Variants in RAPGEF2 observed in about 807,000 individuals in gnomAD.
The protein encoded by RAPGEF2 is Rap guanine nucleotide exchange factor 2, also known as PDZ domain containing guanine nucleotide exchange factor (GEF) 1.
A neutral mutation model predicts 186.7 loss-of-function variants in RAPGEF2; 54 were observed. The observed-to-expected ratio is 0.29, with a 90% CI of 0.23 to 0.36. The LOEUF (loss-of-function observed/expected upper bound fraction) is 0.36, where lower values mean the gene tolerates loss of function less well. RAPGEF2 is among the 10% of genes least tolerant of loss of function. The probability of loss-of-function intolerance (pLI) is 1.00; values close to 1 mark genes in which losing one functional copy is unlikely to be tolerated. For missense variants in RAPGEF2, 1,532 were observed against 2,045.0 expected, an observed-to-expected ratio of 0.75 and a Z score of 4.84; for synonymous variants, 712 against 705.9, an observed-to-expected ratio of 1.01 and a Z score of -0.14.
intron 1 of RAPGEF2, among the ~76,000 whole-genome samples, chr4:159,153,693 T>C (rs58142171): frequency 0.065 from 9,952 of 152,196 alleles, 1,125 homozygotes; most frequent in African/African-American, 0.22. Context: ...TCCTTCTTGC[T>C]TCCTCCAGTT....
intron 3 of RAPGEF2, among the ~76,000 whole-genome samples, chr4:159,201,425 T>C (rs559722347): frequency 6.6e-6 from 1 of 152,264 alleles, no homozygotes; most frequent in African/African-American, 2.4e-5. Context: ...TTGAAAGAGG[T>C]TTGGACGCCT....
intron 1 of RAPGEF2, 40 bp from the exon 2 acceptor site, chr4:159,186,602 C>G (rs1269839860): frequency 9.0e-7 from 1 of 1,112,130 alleles, no homozygotes; most frequent in Admixed American, 3.0e-5. Context: ...ACCCCTTTTC[C>G]TGACAGGTCT....
At chr4:159,256,564 G>C (rs1483880993) in intron 7 of RAPGEF2, among the ~76,000 whole-genome samples, 1 of 152,200 alleles carries the variant, frequency 6.6e-6, no homozygotes, top group Admixed American at 6.5e-5. Flanking sequence ...TATATACCCA[G>C]TAATGGGATT....
intron 1 of RAPGEF2, among the ~76,000 whole-genome samples, chr4:159,153,886 G>A (rs1279600808): frequency 1.3e-5 from 2 of 152,154 alleles, no homozygotes; most frequent in Admixed American, 6.5e-5. Context: ...ACATATACAA[G>A]CCTCATTGCT....
At chr4:159,127,165 T>C (rs1307628782) in intron 1 of RAPGEF2, among the ~76,000 whole-genome samples, 1 of 152,150 alleles carries the variant, frequency 6.6e-6, no homozygotes, top group African/African-American at 2.4e-5. Context: ...TAGCTGGGAT[T>C]ACAGGCACAC....
chr4:159,131,527 T>G (rs1302279581), intron 1 of RAPGEF2, among the ~76,000 whole-genome samples: 1 of 148,626 alleles, frequency 6.7e-6, no homozygotes, highest in Non-Finnish European at 1.5e-5. Flanking sequence ...CTATTTTTTT[T>G]TTTTTTTTTT....
chr4:159,104,553 A>AGAGAGAGAGAGTGTGTGT (rs1553991869), intron 1 of RAPGEF2, among the ~76,000 whole-genome samples: 2 of 136,028 alleles, frequency 1.5e-5, no homozygotes, highest in Admixed American at 7.3e-5. Flanking sequence ...AGAGAGAGAG[A>AGAGAGAGAGAGTGTGTGT]GTGTGTGTGT....
intron 4 of RAPGEF2, among the ~76,000 whole-genome samples, chr4:159,232,185 G>C (rs1752716048): frequency 6.6e-6 from 1 of 152,056 alleles, no homozygotes; most frequent in African/African-American, 2.4e-5. Context: ...GTGTTACAGT[G>C]GCATTAATTA....
At chr4:159,287,173 A>G (rs1471131787) in intron 7 of RAPGEF2, among the ~76,000 whole-genome samples, 7 of 152,142 alleles carry the variant, frequency 4.6e-5, no homozygotes, top group African/African-American at 1.2e-4. Flanking sequence ...ATTTGGGTAT[A>G]AAGACTGGAG....
rs540337256 is a variant in RAPGEF2, at chr4:159,244,510, T to C, written c.543+719T>C. On this transcript the variant is annotated intron_variant, in intron 7 of 29. Transcript: ENST00000691494. ...AAGTACTAAAATCTATGATTTTCAT[T>C]ATGAGTTCTTTGAAGATCTAGATTA... is the stretch of plus-strand genomic sequence containing the variant. Among the ~76,000 whole-genome samples, 32 of 152,062 alleles carry C rather than the reference T, an allele frequency of 2.1e-4. No homozygotes were observed. The East Asian group carries it at 6.2e-3, about 29-fold the overall frequency.
At position 159,353,615 on chromosome 4, in the gene RAPGEF2, G is replaced by A. The variant is rs777529545; in HGVS notation, c.4220G>A (p.Arg1407His). Residue 1407 changes from arginine to histidine, a missense_variant, in exon 28 of 30, where the codon CGT becomes CAT. Physicochemically the swap from Arg to His is conservative, Grantham distance 29. Around this residue, in one of 4 missense-constraint regions of RAPGEF2, gnomAD observed 594 missense variants for 608.5 expected, o/e 0.98. Transcript: ENST00000691494. The surrounding 1 kb of genome is among the most constrained non-coding windows in gnomAD (Gnocchi z 4.3). ...RASLDAADSG[R>H]GSWTSCSSGS... ...TCACTTGATGCTGCTGACAGTGGCC[G>A]TGGGAGCTGGACGTCATGCTCAAGT... is the stretch of plus-strand genomic sequence containing the variant. The A allele has an allele frequency of 3.8e-6, 6 of 1,597,910 alleles. No homozygotes were observed. Among genetic ancestry groups the A allele is most frequent in the Non-Finnish European group, 5.1e-6 (6 of 1,173,576 alleles).
intron 8 of RAPGEF2, among the ~76,000 whole-genome samples, chr4:159,304,833 C>T (rs1055256811): frequency 3.9e-5 from 6 of 152,178 alleles, no homozygotes; most frequent in Non-Finnish European, 8.8e-5. Flanking sequence ...TCTCATTATG[C>T]ACCCCCTACT....
intron 4 of RAPGEF2, among the ~76,000 whole-genome samples, chr4:159,215,443 T>C (rs1750911163): frequency 6.6e-6 from 1 of 152,026 alleles, no homozygotes; most frequent in Non-Finnish European, 1.5e-5. Context: ...CTCCCAAAGT[T>C]CTGGGATTAC....
At chr4:159,191,571 T>C (rs1203150549) in intron 2 of RAPGEF2, among the ~76,000 whole-genome samples, 1 of 152,078 alleles carries the variant, frequency 6.6e-6, no homozygotes, top group Non-Finnish European at 1.5e-5. Flanking sequence ...AAACCCTGTC[T>C]CTACTAAAAA....
intron 1 of RAPGEF2, among the ~76,000 whole-genome samples, chr4:159,125,214 A>G (rs888522292): frequency 6.6e-6 from 1 of 151,562 alleles, no homozygotes; most frequent in East Asian, 1.9e-4. Flanking sequence ...TGCACAATCA[A>G]TGAATCAATG....
At position 159,307,603 on chromosome 4, in the gene RAPGEF2, C is replaced by T. The variant is rs184236328; in HGVS notation, c.675+3130C>T. Reference sequence around the variant, plus strand: ...ATAGTGAGAATACAGCTTGAGGTTACAATTATCACTGTTCTCATCAAATAA... The same window carrying T: ...ATAGTGAGAATACAGCTTGAGGTTATAATTATCACTGTTCTCATCAAATAA... On this transcript the variant is annotated intron_variant, in intron 8 of 29. Transcript: ENST00000691494. Among the ~76,000 whole-genome samples the T allele has an allele frequency of 1.6e-4, 25 of 152,256 alleles. 1 individual carries two copies. Among genetic ancestry groups the T allele is most frequent in the Admixed American group, 9.8e-4 (15 of 15,290 alleles).
At chr4:159,288,217 A>T (rs887118248) in intron 7 of RAPGEF2, among the ~76,000 whole-genome samples, 1 of 152,192 alleles carries the variant, frequency 6.6e-6, no homozygotes, top group Admixed American at 6.6e-5. Context: ...TCCATATTTC[A>T]TAAGTTACCA....
intron 8 of RAPGEF2, among the ~76,000 whole-genome samples, chr4:159,307,427 G>T (rs2111070169): frequency 6.6e-6 from 1 of 152,210 alleles, no homozygotes; most frequent in South Asian, 2.1e-4. Context: ...TCTGAAAGTT[G>T]ATTTTTCTAA....
intron 7 of RAPGEF2, chr4:159,268,017 C>CT (rs1459961859): frequency 1.9e-5 from 28 of 1,447,700 alleles, no homozygotes; most frequent in Non-Finnish European, 2.7e-6. Flanking sequence ...AGTAGTGACA[C>CT]TTTAAGCTGC....
Sources: allele counts gnomAD v4.1 joint callset (sites outside exome capture counted in the v4.1 genomes callset), GRCh38; gene constraint gnomAD v4.1.1; regional missense constraint gnomAD v4.1.1; non-coding constraint Gnocchi (gnomAD v3.1); transcripts MANE v1.5; gene names NCBI Gene and HGNC (gene_info 2026-07-23, HGNC 2026-07-21).